Variants in FKRP observed in about 807,000 individuals in gnomAD.
The protein encoded by FKRP is ribitol 5-phosphate transferase FKRP.
Under a neutral mutation model 30.6 loss-of-function variants are expected in FKRP, and 25 were observed. The ratio of observed to expected loss-of-function variants is 0.82; its 90% CI spans 0.60 to 1.14. The LOEUF (loss-of-function observed/expected upper bound fraction) is 1.14, where lower values mean the gene tolerates loss of function less well. FKRP is among the 50% of genes most tolerant of loss of function. The pLI is 0.00. For missense variants in FKRP, 771 were observed against 727.8 expected (o/e 1.06, Z -0.68); for synonymous variants, 358 against 342.5 (o/e 1.05, Z -0.50).
chr19:46,745,341 C>T (rs2054561767), upstream of FKRP, among the ~76,000 whole-genome samples: 1 of 152,176 alleles, frequency 6.6e-6, no homozygotes, highest in African/African-American at 2.4e-5. Flanking sequence ...GCTCTGTCCA[C>T]ACTTCCACTC....
chr19:46,756,136 G>A lies in FKRP; in HGVS notation c.686G>A (p.Arg229His), dbSNP rs1451860657. ...GTSLFLQTAL[R>H]GWAVQLLDLT... ...AGCCTCTTTCTGCAGACCGCCCTTC[G>A]CGGCTGGGCGGTGCAGCTGCTGGAC... Residue 229 changes from arginine (R) to histidine (H), a missense_variant, in exon 4 of 4, where the codon CGC becomes CAC. Arg to His is a conservative substitution (Grantham distance 29, BLOSUM62 0). Coordinates refer to ENST00000318584, the MANE Select transcript of FKRP (RefSeq NM_024301.5). This position sits in a 1 kb window ranked among gnomAD's most constrained non-coding sequence, Gnocchi z 6.6. 1.3e-6 allele frequency: 2 copies of A among 1,484,680 alleles called. No individual in the cohort carries two copies. Among genetic ancestry groups the A allele is most frequent in the Non-Finnish European group, 1.8e-6 (2 of 1,126,584 alleles). 92.0% of individuals were successfully genotyped at this position (1,484,680 alleles called of 1,614,324 possible). A position where few individuals can be genotyped will look rare whatever the true frequency, so the allele number is the denominator to read the frequency against.
chr19:46,745,475 C>T (rs2054566083), upstream of FKRP, among the ~76,000 whole-genome samples: 1 of 151,992 alleles, frequency 6.6e-6, no homozygotes. Flanking sequence ...CCCTCGGGTC[C>T]TTACACAGCC....
chr19:46,754,257 C>T (rs150021184), intron 3 of FKRP: 1,832 of 152,010 alleles, frequency 0.012, 49 homozygotes, highest in Admixed American at 0.056. Context: ...AGGTTGGTCT[C>T]GAACTCCTGG....
upstream of FKRP, chr19:46,746,029 CCGCCCCCCCG>C: frequency 1.6e-6 from 2 of 1,219,676 alleles, no homozygotes; most frequent in Admixed American, 4.4e-5. Context: ...CGGTCCCCTC[CCGCCCCCCCG>C]CCGGCCGTCC....
chr19:46,750,325 A>T (rs2054767253), intron 3 of FKRP, among the ~76,000 whole-genome samples: 1 of 152,058 alleles, frequency 6.6e-6, no homozygotes, highest in South Asian at 2.1e-4. Context: ...TCTGGCCATC[A>T]AATCTGCTGG....
At position 46,756,644 on chromosome 19, in the gene FKRP, C is replaced by T. The variant is rs756326657; in HGVS notation, c.1194C>T (p.Val398=). 1 of 1,613,286 alleles carries T rather than the reference C, an allele frequency of 6.2e-7. No homozygotes were observed. The highest frequency in any genetic ancestry group is 2.2e-5 in the East Asian group (1 of 44,846). Residue 398 remains valine (V), a synonymous_variant, in exon 4 of 4, where the codon GTC becomes GTT. Transcript: ENST00000318584. This position sits in a 1 kb window ranked among gnomAD's most constrained non-coding sequence, Gnocchi z 6.6. Reference sequence around the variant, plus strand: ...GCGGCTTCGTATGGGAGAAGGCGGTCGAGGGCGACTTTTTCCGCGTGCAGT... The same window carrying T: ...GCGGCTTCGTATGGGAGAAGGCGGTTGAGGGCGACTTTTTCCGCGTGCAGT... ...DERGFVWEKA[V]EGDFFRVQYS...
chr19:46,744,910 T>C (rs568910363), upstream of FKRP, among the ~76,000 whole-genome samples: 31 of 152,008 alleles, frequency 2.0e-4, no homozygotes, highest in Non-Finnish European at 7.4e-5. Context: ...GACCTGACGC[T>C]CCACGAGGTC....
At position 46,756,716 on chromosome 19, in the gene FKRP, C is replaced by G. The variant is rs374056230; in HGVS notation, c.1266C>G (p.Pro422=). The G allele has an allele frequency of 9.3e-6, 15 of 1,611,676 alleles. No homozygotes were observed. In the African/African-American group the frequency reaches 1.9e-4, roughly 20 times the overall value. ...ACGTGGACCTGTGGCCCTTCTACCC[C>G]CGCAATGGCGTCATGACCAAGGACA... ...HLHVDLWPFY[P]RNGVMTKDTW... The change falls in exon 4 of 4, where the codon CCC becomes CCG. Residue 422 remains proline (P), a synonymous_variant. Transcript: ENST00000318584. This position sits in a 1 kb window ranked among gnomAD's most constrained non-coding sequence, Gnocchi z 6.6.
rs1319132553 is a variant in FKRP at position 46,757,016 on chromosome 19, A to G, written c.*78A>G. 1 of 1,571,028 alleles carries G rather than the reference A, an allele frequency of 6.4e-7. No homozygotes were observed. Among genetic ancestry groups the G allele is most frequent in the East Asian group, 2.3e-5 (1 of 44,178 alleles). ...GCTCTGTGTGAGCGGTGAGGGGTGG[A>G]GGGATGTCGCGGAGAGGGGAAGGGG... On this transcript the variant is annotated 3_prime_UTR_variant, in exon 4 of 4. Coordinates refer to ENST00000318584, the MANE Select transcript of FKRP (RefSeq NM_024301.5).
rs903996676 is a variant in FKRP, at chr19:46,748,532, C to T, written c.-173C>T. 1 of 152,166 alleles carries T rather than the reference C, an allele frequency of 6.6e-6. No individual in the cohort carries two copies. The highest frequency in any genetic ancestry group is 1.5e-5 in the Non-Finnish European group (1 of 68,036). 9.4% of individuals were successfully genotyped at this position (152,166 alleles called of 1,614,324 possible). A position where few individuals can be genotyped will look rare whatever the true frequency, so the allele number is the denominator to read the frequency against. On this transcript the variant is annotated 5_prime_UTR_variant, in exon 3 of 4. Transcript: ENST00000318584. ...TTCCACAGGTGCAGGGACTGAGGCT[C>T]AGGCCAAATCGCAACTCAGACCCAG... is the stretch of plus-strand genomic sequence containing the variant.
At position 46,746,129 on chromosome 19, in the gene FKRP, G is replaced by A. The variant is rs762105525; in HGVS notation, c.-253+39G>A. 6.0e-6 allele frequency: 9 copies of A among 1,488,532 alleles called. No individual in the cohort carries two copies. The Admixed American group carries it at 6.8e-5, about 11-fold the overall frequency. 92.2% of individuals were successfully genotyped at this position (1,488,532 alleles called of 1,614,324 possible). A position where few individuals can be genotyped will look rare whatever the true frequency, so the allele number is the denominator to read the frequency against. ...GGGCCGGGCCGGGTTGGGGGTCGGG[G>A]GTCCCGGGACAGCGCTCACCTGTAA... On this transcript the variant is annotated intron_variant, in intron 1 of 3. Transcript: ENST00000318584.
upstream of FKRP, chr19:46,746,037 C>A (rs1034659793): frequency 1.3e-4 from 156 of 1,232,144 alleles, 10 homozygotes; most frequent in African/African-American, 8.5e-4. Context: ...TCCCGCCCCC[C>A]CGCCGGCCGT....
Position 46,756,905 on chromosome 19 carries a change from C to T in FKRP, c.1455C>T (p.Asn485=). 3 of 1,613,056 alleles carry T rather than the reference C, an allele frequency of 1.9e-6. No homozygotes were observed. The highest frequency in any genetic ancestry group is 8.5e-7 in the Non-Finnish European group (1 of 1,179,966). Residue 485 remains asparagine (N), a synonymous_variant, in exon 4 of 4, where the codon AAC becomes AAT. Coordinates refer to ENST00000318584, the MANE Select transcript of FKRP (RefSeq NM_024301.5). This position sits in a 1 kb window ranked among gnomAD's most constrained non-coding sequence, Gnocchi z 6.6. ...PGVIENPQYP[N]PALLSLTGSG is the part of the protein sequence containing the mutation. ...TCATCGAGAACCCCCAGTACCCCAA[C>T]CCGGCACTGCTGAGTCTGACGGGAA...
At position 46,746,113 on chromosome 19, in the gene FKRP, C is replaced by CGGGTTGG. The variant is rs764406449; in HGVS notation, c.-253+28_-253+34dup. 39 of 1,450,902 alleles carry CGGGTTGG rather than the reference C, an allele frequency of 2.7e-5. No homozygotes were observed. In the African/African-American group the frequency reaches 3.0e-4, roughly 11 times the overall value. 89.9% of individuals were successfully genotyped at this position (1,450,902 alleles called of 1,614,324 possible). On this transcript the variant is annotated intron_variant, in intron 1 of 3. Transcript: ENST00000318584. The stretch of plus-strand genomic sequence containing the variant: ...CGGGTGAGGCCGGGCCGGGCCGGGC[C>CGGGTTGG]GGGTTGGGGGTCGGGGGTCCCGGGA...
intron 3 of FKRP, among the ~76,000 whole-genome samples, chr19:46,754,598 GTTTATTTA>G (rs544211189): frequency 1.2e-4 from 18 of 144,706 alleles, no homozygotes; most frequent in African/African-American, 3.6e-4. Context: ...AAATTGGTTT[GTTTATTTA>G]TTTATTTATT....
At chr19:46,754,184 G>A (rs1250042246) in intron 3 of FKRP, 3 of 152,068 alleles carry the variant, frequency 2.0e-5, no homozygotes, top group Admixed American at 2.0e-4. Flanking sequence ...GACCATAGGT[G>A]AGTAGCACCA....
intron 3 of FKRP, among the ~76,000 whole-genome samples, chr19:46,752,757 C>T (rs62134819): frequency 0.051 from 7,799 of 152,106 alleles, 279 homozygotes; most frequent in Non-Finnish European, 0.077. Flanking sequence ...CCCAGCTACT[C>T]GGGAGACTGA....
chr19:46,751,630 A>G (rs2054795050), intron 3 of FKRP, among the ~76,000 whole-genome samples: 1 of 146,016 alleles, frequency 6.8e-6, no homozygotes, highest in African/African-American at 2.6e-5. Context: ...CAGTGGCACA[A>G]TCTCGGCTCA....
At chr19:46,753,947 G>C (rs1443914041) in intron 3 of FKRP, 1 of 152,254 alleles carries the variant, frequency 6.6e-6, no homozygotes, top group East Asian at 1.9e-4. Flanking sequence ...CTTCAGTCTC[G>C]GTGGGGACAA....
Sources: gnomAD v4.1 joint callset for allele counts (sites outside exome capture counted in the v4.1 genomes callset) on GRCh38, gnomAD v4.1.1 for gene constraint, Gnocchi (gnomAD v3.1) non-coding constraint, MANE v1.5 for transcripts, NCBI Gene and HGNC (gene_info 2026-07-23, HGNC 2026-07-21) for gene names.